DHRS7: variants seen among roughly 807,000 people sequenced by gnomAD.
DHRS7 encodes the protein dehydrogenase/reductase 7.
Under a neutral mutation model 38.9 loss-of-function variants are expected in DHRS7, and 34 were observed. The observed-to-expected ratio is 0.87, with a 90% CI of 0.66 to 1.16. The LOEUF (loss-of-function observed/expected upper bound fraction) is 1.16. DHRS7 is among the 50% of genes most tolerant of loss of function. The pLI is 0.00. For missense variants in DHRS7, 421 were observed against 407.0 expected (o/e 1.03, Z -0.30); for synonymous variants, 158 against 153.1 (o/e 1.03, Z -0.24).
At chr14:60,168,806 C>T (rs184217433), upstream of DHRS7, 261 of 1,516,578 alleles carry the variant, frequency 1.7e-4, no homozygotes, top group African/African-American at 3.1e-3. Flanking sequence ...GGCTTGCAAA[C>T]ATGCTGACAC....
rs1896538731 is a variant in DHRS7 at position 60,151,276 on chromosome 14, C to G, written c.634-1089G>C. 3.9e-5 allele frequency among the ~76,000 whole-genome samples: 6 copies of G among 152,258 alleles called. 1 individual carries two copies. The Middle Eastern group carries it at 0.017, about 432-fold the overall frequency. ...TAGACCTTCTAGACTTAAAAAGATA[C>G]TGACCATTTCTAAACCAATGGGGAG... On this transcript the variant is annotated intron_variant, in intron 4 of 6. Transcript: ENST00000557185.
chr14:60,151,383 A>G (rs2140594378), intron 4 of DHRS7, among the ~76,000 whole-genome samples: 1 of 152,332 alleles, frequency 6.6e-6, no homozygotes, highest in East Asian at 1.9e-4. Context: ...TGGGTTATCT[A>G]TTGAAAAGCC....
At chr14:60,152,094 T>C (rs413402) in intron 4 of DHRS7, among the ~76,000 whole-genome samples, 41,440 of 152,122 alleles carry the variant, frequency 0.27, 7,678 homozygotes, top group African/African-American at 0.52. Flanking sequence ...GAACCAAAGC[T>C]TCAAATTTTC....
At position 60,150,194 on chromosome 14, in the gene DHRS7, G is replaced by GGCAA. The variant is rs376945245; in HGVS notation, c.634-8_634-7insTTGC. 10,117 of 1,112,602 alleles carry GGCAA rather than the reference G, an allele frequency of 9.1e-3. 180 individuals carry two copies. The highest frequency in any genetic ancestry group is 0.083 in the East Asian group (2,221 of 26,902). 68.9% of individuals were successfully genotyped at this position (1,112,602 alleles called of 1,614,324 possible). A position where few individuals can be genotyped will look rare whatever the true frequency, so the allele number is the denominator to read the frequency against. ...GAAGGCCATTAAAAAAACCCTAACA[G>GGCAA]ACAAAAAAAAAAAAAAAGGAAAAAG... is the stretch of plus-strand genomic sequence containing the variant. On this transcript the variant is annotated splice_polypyrimidine_tract_variant and splice_region_variant and intron_variant, in intron 4 of 6. Coordinates refer to ENST00000557185, the MANE Select transcript of DHRS7 (RefSeq NM_016029.4).
chr14:60,153,326 A>G lies in DHRS7; in HGVS notation c.394-148T>C, dbSNP rs1008231490. ...CAGAAGTCAGCAATTAAAAAGATAA[A>G]ATAAAGCCCTGAATTTACCTGTGGA... On this transcript the variant is annotated intron_variant, in intron 3 of 6. Transcript: ENST00000557185. This position sits in a 1 kb window ranked among gnomAD's most constrained non-coding sequence, Gnocchi z 4.4. 9.9e-7 allele frequency: 1 copy of G among 1,012,244 alleles called. No individual in the cohort carries two copies. Among genetic ancestry groups the G allele is most frequent in the Non-Finnish European group, 1.4e-6 (1 of 711,390 alleles). 62.7% of individuals were successfully genotyped at this position (1,012,244 alleles called of 1,614,324 possible). A position where few individuals can be genotyped will look rare whatever the true frequency, so the allele number is the denominator to read the frequency against.
In DHRS7 at chr14:60,162,600, TAATA is replaced by T. The variant is rs1811927256; in HGVS notation, c.133+2573_133+2576del. 6.6e-6 allele frequency among the ~76,000 whole-genome samples: 1 copy of T among 152,178 alleles called. No homozygotes were observed. Among genetic ancestry groups the T allele is most frequent in the Admixed American group, 6.5e-5 (1 of 15,276 alleles). ...TGCTATTTTTTTAAGTGACAAAAAA[TAATA>T]AACCTACAGAGAAGTCAAGAAGGAT... On this transcript the variant is annotated intron_variant, in intron 1 of 6. Coordinates refer to ENST00000557185, the MANE Select transcript of DHRS7 (RefSeq NM_016029.4). This position sits in a 1 kb window ranked among gnomAD's most constrained non-coding sequence, Gnocchi z 4.5.
At chr14:60,157,992 G>A (rs970156539) in intron 1 of DHRS7, among the ~76,000 whole-genome samples, 2 of 152,054 alleles carry the variant, frequency 1.3e-5, no homozygotes, top group African/African-American at 4.8e-5. Context: ...CAGCACTTTG[G>A]GAGGCCAAGG....
At chr14:60,166,147 A>T, upstream of DHRS7, 1 of 861,880 alleles carries the variant, frequency 1.2e-6, no homozygotes. Context: ...GTTTTTGATT[A>T]ATTTCCGTTT....
chr14:60,158,274 A>G (rs1275453142), intron 1 of DHRS7, among the ~76,000 whole-genome samples: 2 of 151,916 alleles, frequency 1.3e-5, no homozygotes, highest in African/African-American at 4.8e-5. Flanking sequence ...AAGGATGGAA[A>G]CATCCCAAAT....
At chr14:60,149,951 C>A in intron 5 of DHRS7, 114 bp downstream of exon 5, 2 of 1,056,144 alleles carry the variant, frequency 1.9e-6, no homozygotes, top group Non-Finnish European at 2.7e-6. Context: ...GTGAATAATT[C>A]ACATAAAAGC....
intron 6 of DHRS7, chr14:60,147,720 A>G (rs2140586883): frequency 6.6e-6 from 1 of 152,284 alleles, no homozygotes. Flanking sequence ...TCTTATATTA[A>G]TAGATGGGGA....
At chr14:60,166,383 C>G, upstream of DHRS7, 1 of 442,270 alleles carries the variant, frequency 2.3e-6, no homozygotes, top group Non-Finnish European at 3.0e-6. Context: ...GAACTTTCAT[C>G]CTCTTCATTT....
chr14:60,150,527 T>A (rs960386207), intron 4 of DHRS7, among the ~76,000 whole-genome samples: 12 of 152,132 alleles, frequency 7.9e-5, no homozygotes, highest in Non-Finnish European at 1.6e-4. Context: ...CCAAGTGTTC[T>A]CATTGTTCAA....
At chr14:60,168,529 C>T (rs1896894289), upstream of DHRS7, among the ~76,000 whole-genome samples, 1 of 152,134 alleles carries the variant, frequency 6.6e-6, no homozygotes. Context: ...GTACAGAGTA[C>T]ACGTCTGTTC....
upstream of DHRS7, among the ~76,000 whole-genome samples, chr14:60,169,305 A>T (rs1379904134): frequency 9.2e-5 from 14 of 152,160 alleles, no homozygotes; most frequent in Admixed American, 8.5e-4. Context: ...CCCCAGATGG[A>T]TCCAACAATG....
At chr14:60,157,615 A>G (rs114555970) in intron 1 of DHRS7, among the ~76,000 whole-genome samples, 3,881 of 152,288 alleles carry the variant, frequency 0.025, 123 homozygotes, top group African/African-American at 0.08. Context: ...CAGAAAAGGT[A>G]ACTGAGGTTT....
chr14:60,151,590 T>A (rs77747456), intron 4 of DHRS7, among the ~76,000 whole-genome samples: 12 of 151,414 alleles, frequency 7.9e-5, no homozygotes, highest in Non-Finnish European at 1.3e-4. Context: ...AACTTTAACC[T>A]TCTGCCTCTC....
intron 1 of DHRS7, among the ~76,000 whole-genome samples, chr14:60,163,294 T>C (rs1896800456): frequency 6.6e-6 from 1 of 152,226 alleles, no homozygotes; most frequent in South Asian, 2.1e-4. Context: ...TATTAACTTC[T>C]AACTTTATAA....
chr14:60,169,421 A>T (rs1230941990), upstream of DHRS7, among the ~76,000 whole-genome samples: 1 of 152,214 alleles, frequency 6.6e-6, no homozygotes, highest in South Asian at 2.1e-4. Flanking sequence ...TGTGACTCCC[A>T]AGGATAGGTC....
Sources: gnomAD v4.1 joint callset for allele counts (sites outside exome capture counted in the v4.1 genomes callset) on GRCh38, gnomAD v4.1.1 for gene constraint, Gnocchi (gnomAD v3.1) non-coding constraint, MANE v1.5 for transcripts, NCBI Gene and HGNC (gene_info 2026-07-23, HGNC 2026-07-21) for gene names.